FBXO40: variants seen among roughly 807,000 people sequenced by gnomAD.
The protein encoded by FBXO40 is F-box only protein 40.
Under a neutral mutation model 49.9 loss-of-function variants are expected in FBXO40, and 50 were observed. The observed-to-expected ratio is 1.00, with a 90% CI of 0.80 to 1.27. The LOEUF (loss-of-function observed/expected upper bound fraction) is 1.27. Ranked by LOEUF, FBXO40 falls within the 50% of genes most tolerant of loss-of-function variation. The probability of loss-of-function intolerance (pLI) is 0.00; values close to 1 mark genes in which losing one functional copy is unlikely to be tolerated. For missense variants in FBXO40, 895 were observed against 870.1 expected, an observed-to-expected ratio of 1.03 and a Z score of -0.36; for synonymous variants, 340 against 320.2, an observed-to-expected ratio of 1.06 and a Z score of -0.66.
At chr3:121,601,073 T>C (rs2048898972) in intron 1 of FBXO40, among the ~76,000 whole-genome samples, 1 of 152,190 alleles carries the variant, frequency 6.6e-6, no homozygotes, top group African/African-American at 2.4e-5. Context: ...CTCAGGCATT[T>C]TCTGGGATAT....
chr3:121,622,789 G>A lies in FBXO40; in HGVS notation c.1360G>A (p.Gly454Arg), dbSNP rs748307138. ...TGACCTAACCGCTGCCACCCCAGGG[G>A]GACTCCACGTGGAGCTCCACAGCGA... ...LADLTAATPG[G>R]LHVELHSECV... The change falls in exon 3 of 4, where the codon GGA becomes AGA. Residue 454 changes from glycine (G) to arginine (R), a missense_variant. Coordinates refer to ENST00000338040, the MANE Select transcript of FBXO40 (RefSeq NM_016298.4). 7 of 1,614,004 alleles carry A rather than the reference G, an allele frequency of 4.3e-6. No homozygotes were observed. The highest frequency in any genetic ancestry group is 5.9e-6 in the Non-Finnish European group (7 of 1,180,030).
In FBXO40 at chr3:121,622,332, T is replaced by A; in HGVS notation, c.903T>A (p.Ala301=). 5 of 1,614,192 alleles carry A rather than the reference T, an allele frequency of 3.1e-6. No homozygotes were observed. Among genetic ancestry groups the A allele is most frequent in the Non-Finnish European group, 4.2e-6 (5 of 1,180,040 alleles). Residue 301 remains alanine (A), a synonymous_variant, in exon 3 of 4, where the codon GCT becomes GCA. Coordinates refer to ENST00000338040, the MANE Select transcript of FBXO40 (RefSeq NM_016298.4). ...GTGTTCTGGAAAGACTGAAAACAGC[T>A]GTGGATGCAAAGGACTATAACATGT... ...QDGVLERLKT[A]VDAKDYNMYL...
intron 1 of FBXO40, among the ~76,000 whole-genome samples, chr3:121,607,552 G>A (rs986047349): frequency 5.9e-5 from 9 of 151,880 alleles, no homozygotes; most frequent in East Asian, 3.9e-4. Context: ...CTCGTGATCC[G>A]CCCACCTCGG....
chr3:121,599,166 A>C (rs1033549987), intron 1 of FBXO40, among the ~76,000 whole-genome samples: 1 of 152,114 alleles, frequency 6.6e-6, no homozygotes, highest in African/African-American at 2.4e-5. Flanking sequence ...AAGAAGCAAG[A>C]ATTTAAATGT....
At chr3:121,619,086 C>G (rs1434145732) in intron 1 of FBXO40, among the ~76,000 whole-genome samples, 1 of 151,968 alleles carries the variant, frequency 6.6e-6, no homozygotes, top group East Asian at 1.9e-4. Context: ...GCCTTGACCT[C>G]TCAGGCTCAA....
intron 1 of FBXO40, among the ~76,000 whole-genome samples, chr3:121,619,661 C>T (rs1576454939): frequency 1.3e-5 from 2 of 152,148 alleles, no homozygotes; most frequent in South Asian, 4.1e-4. Context: ...ATATTTAGGT[C>T]ATTTACTCCT....
At chr3:121,624,981 C>G (rs993729669) in intron 3 of FBXO40, among the ~76,000 whole-genome samples, 6 of 152,184 alleles carry the variant, frequency 3.9e-5, no homozygotes, top group Admixed American at 1.3e-4. Flanking sequence ...AGTCCCAAGT[C>G]AACTAATTTT....
chr3:121,603,728 A>T (rs1001118552), intron 1 of FBXO40, among the ~76,000 whole-genome samples: 1 of 151,182 alleles, frequency 6.6e-6, no homozygotes, highest in Non-Finnish European at 1.5e-5. Flanking sequence ...TTTTATTTTT[A>T]TTTTTTTTGA....
intron 1 of FBXO40, among the ~76,000 whole-genome samples, chr3:121,615,343 G>A (rs887805648): frequency 6.6e-6 from 1 of 151,996 alleles, no homozygotes; most frequent in Admixed American, 6.6e-5. Flanking sequence ...GATTCCTTGA[G>A]GTCAGGAGTT....
At chr3:121,609,717 A>G (rs888823685) in intron 1 of FBXO40, among the ~76,000 whole-genome samples, 5 of 152,160 alleles carry the variant, frequency 3.3e-5, no homozygotes, top group Non-Finnish European at 5.9e-5. Flanking sequence ...CCTCCCCAGT[A>G]AGGGGTAGGG....
At chr3:121,603,747 C>T (rs1210372968) in intron 1 of FBXO40, among the ~76,000 whole-genome samples, 3 of 151,964 alleles carry the variant, frequency 2.0e-5, no homozygotes, top group Non-Finnish European at 4.4e-5. Context: ...GAGATGGAGT[C>T]TCACTCTGTC....
At chr3:121,599,750 T>C (rs1319945585) in intron 1 of FBXO40, among the ~76,000 whole-genome samples, 1 of 134,454 alleles carries the variant, frequency 7.4e-6, no homozygotes, top group East Asian at 2.2e-4. Flanking sequence ...GGAGACGGAG[T>C]CTCACTCTGG....
chr3:121,624,641 G>C (rs1232417837), intron 3 of FBXO40, among the ~76,000 whole-genome samples: 4 of 152,132 alleles, frequency 2.6e-5, no homozygotes, highest in Non-Finnish European at 4.4e-5. Context: ...TATTCTCCTG[G>C]CTTCCCCCCT....
At chr3:121,620,919 G>A (rs1214841853) in intron 2 of FBXO40, among the ~76,000 whole-genome samples, 3 of 152,166 alleles carry the variant, frequency 2.0e-5, no homozygotes, top group Non-Finnish European at 4.4e-5. Flanking sequence ...ACATAAATGC[G>A]AGCAAAACCA....
intron 1 of FBXO40, among the ~76,000 whole-genome samples, chr3:121,618,813 A>G (rs1236195850): frequency 6.6e-6 from 1 of 152,026 alleles, no homozygotes; most frequent in Non-Finnish European, 1.5e-5. Context: ...AGAGAAAGAA[A>G]GGACACAAAA....
intron 1 of FBXO40, among the ~76,000 whole-genome samples, chr3:121,618,908 T>G (rs2049014450): frequency 6.6e-6 from 1 of 152,026 alleles, no homozygotes; most frequent in Non-Finnish European, 1.5e-5. Context: ...TTCTGTATAT[T>G]TGAAATGTCT....
At chr3:121,606,979 GATAGGC>G (rs2048935167) in intron 1 of FBXO40, among the ~76,000 whole-genome samples, 1 of 152,154 alleles carries the variant, frequency 6.6e-6, no homozygotes, top group East Asian at 1.9e-4. Context: ...TAAACTTTTA[GATAGGC>G]TTGGTGTGGT....
At position 121,621,436 on chromosome 3, in the gene FBXO40, A is replaced by T; in HGVS notation, c.7A>T (p.Lys3Ter). 4 of 1,611,596 alleles carry T rather than the reference A, an allele frequency of 2.5e-6. No individual in the cohort carries two copies. The highest frequency in any genetic ancestry group is 3.4e-6 in the Non-Finnish European group (4 of 1,178,606). The stretch of plus-strand genomic sequence containing the variant: ...CCCCTGTCCTTGGTGTGTCCAGGGG[A>T]AAGCCCGCAGATCCCCGCCAGGGCA... MG[K>*]ARRSPPGHHR... Residue 3 changes from lysine (K) to a stop codon, truncating the protein, a stop_gained, in exon 3 of 4, where the codon AAA becomes TAA. Transcript: ENST00000338040. LOFTEE classifies it high-confidence loss of function.
chr3:121,613,991 G>T (rs1053919181), intron 1 of FBXO40, among the ~76,000 whole-genome samples: 3 of 152,018 alleles, frequency 2.0e-5, no homozygotes, highest in African/African-American at 7.2e-5. Flanking sequence ...AAATTAGACT[G>T]GGCGCAGTGG....
Sources: gnomAD v4.1 joint callset for allele counts (sites outside exome capture counted in the v4.1 genomes callset) on GRCh38, gnomAD v4.1.1 for gene constraint, MANE v1.5 for transcripts, NCBI Gene and HGNC (gene_info 2026-07-23, HGNC 2026-07-21) for gene names.